The following SLC39A11 variants were observed in gnomAD, a reference collection of about 807,000 sequenced individuals.
SLC39A11 encodes solute carrier family 39 member 11.
Under a neutral mutation model 36.1 loss-of-function variants are expected in SLC39A11, and 33 were observed. The observed-to-expected ratio is 0.91, with a 90% CI of 0.69 to 1.22. The LOEUF is 1.22. SLC39A11 is among the 50% of genes most tolerant of loss of function. The pLI is 0.00. For synonymous variants in SLC39A11, 166 were observed against 170.3 expected (o/e 0.97, Z 0.20); for missense variants, 432 against 430.3 (o/e 1.00, Z -0.03).
rs768074343 is a variant in SLC39A11, at chr17:73,031,421, C to A, written c.306+135G>T. On this transcript the variant is annotated intron_variant, in intron 4 of 9. Transcript: ENST00000255559. ...AAATCACCGATCAGTTCCTCTAATG[C>A]CTTGTTCTCTGTTTAAATACCACTG... The A allele has an allele frequency of 9.7e-6, 9 of 923,494 alleles. No individual in the cohort carries two copies. The Admixed American group carries it at 2.2e-4, about 23-fold the overall frequency. The allele number at this position is 923,494 out of a possible 1,614,324, so 57.2% of individuals were successfully genotyped here.
intron 7 of SLC39A11, among the ~76,000 whole-genome samples, chr17:72,729,451 A>ATTTT (rs2074119588): frequency 1.6e-4 from 1 of 6,450 alleles, no homozygotes; most frequent in Non-Finnish European, 3.0e-4. Context: ...ATATATATAT[A>ATTTT]TATATATTTT....
intron 7 of SLC39A11, among the ~76,000 whole-genome samples, chr17:72,672,269 T>G (rs1388128808): frequency 6.6e-6 from 1 of 152,124 alleles, no homozygotes; most frequent in Non-Finnish European, 1.5e-5. Flanking sequence ...GCCAACACAG[T>G]GAAACCTTGA....
intron 4 of SLC39A11, among the ~76,000 whole-genome samples, chr17:72,971,612 G>A (rs1318455891): frequency 2.0e-5 from 3 of 152,150 alleles, no homozygotes; most frequent in Admixed American, 6.5e-5. Flanking sequence ...TTGACTCCCC[G>A]TGAGCAGAGC....
intron 8 of SLC39A11, 22 bp downstream of exon 8, chr17:72,649,148 C>T (rs763313084): frequency 6.2e-7 from 1 of 1,606,346 alleles, no homozygotes; most frequent in South Asian, 1.1e-5. Flanking sequence ...GTGACATGGC[C>T]TTGCCCTTGG....
chr17:72,718,430 C>T (rs1012215388), intron 7 of SLC39A11, among the ~76,000 whole-genome samples: 12 of 152,140 alleles, frequency 7.9e-5, no homozygotes, highest in Non-Finnish European at 1.3e-4. Flanking sequence ...CAGAGCAAGA[C>T]TCCATCTCAG....
chr17:73,067,431 T>C (rs1369618844), intron 3 of SLC39A11, among the ~76,000 whole-genome samples: 1 of 152,202 alleles, frequency 6.6e-6, no homozygotes, highest in Non-Finnish European at 1.5e-5. Flanking sequence ...GGCAAAGCAG[T>C]GAGCCAAAAA....
Position 73,077,702 on chromosome 17 carries a change from T to C in SLC39A11, c.147+7106A>G, listed in dbSNP as rs980919572. Among the ~76,000 whole-genome samples, 5 of 152,214 alleles carry C rather than the reference T, an allele frequency of 3.3e-5. 1 individual carries two copies. The highest frequency in any genetic ancestry group is 2.0e-4 in the Admixed American group (3 of 15,274). On this transcript the variant is annotated intron_variant, in intron 3 of 9. Coordinates refer to ENST00000255559, the MANE Select transcript of SLC39A11 (RefSeq NM_139177.4). Reference sequence around the variant, plus strand: ...ACATAATCTTTAGAGTCTCTTTCTTTCTACCGACTACTTTAAAAGTCAGAA... The same window carrying C: ...ACATAATCTTTAGAGTCTCTTTCTTCCTACCGACTACTTTAAAAGTCAGAA...
chr17:72,801,088 G>A (rs1036342481), intron 6 of SLC39A11, among the ~76,000 whole-genome samples: 8 of 152,186 alleles, frequency 5.3e-5, no homozygotes, highest in Non-Finnish European at 7.3e-5. Context: ...TTATTTATAC[G>A]AAATGTCCAG....
chr17:72,962,613 T>C (rs1283847577), intron 4 of SLC39A11, among the ~76,000 whole-genome samples: 2 of 152,138 alleles, frequency 1.3e-5, no homozygotes, highest in Admixed American at 6.5e-5. Context: ...CTTGGCTCAC[T>C]GTAACCTCTG....
chr17:73,064,557 T>A (rs1325122498), intron 3 of SLC39A11, among the ~76,000 whole-genome samples: 1 of 152,106 alleles, frequency 6.6e-6, no homozygotes, highest in Admixed American at 6.5e-5. Context: ...AGACTCCCCA[T>A]CTGTGCTGAA....
chr17:72,772,104 C>T (rs1298672512), intron 6 of SLC39A11, among the ~76,000 whole-genome samples: 1 of 152,318 alleles, frequency 6.6e-6, no homozygotes, highest in Admixed American at 6.5e-5. Context: ...TTCCCAGAGT[C>T]CTTTCCAGGC....
intron 5 of SLC39A11, among the ~76,000 whole-genome samples, chr17:72,921,942 CTAG>C (rs1477400285): frequency 6.6e-6 from 1 of 152,188 alleles, no homozygotes. Flanking sequence ...AGCTCTGTTG[CTAG>C]TCCCTTTACA....
intron 1 of SLC39A11, chr17:73,091,795 A>G (rs2060932908): frequency 6.6e-6 from 1 of 152,254 alleles, no homozygotes; most frequent in Admixed American, 6.5e-5. Flanking sequence ...AACTTTTAAC[A>G]TGCCAACAGC....
chr17:72,669,001 G>C (rs1476871134), intron 7 of SLC39A11, among the ~76,000 whole-genome samples: 1 of 152,114 alleles, frequency 6.6e-6, no homozygotes, highest in African/African-American at 2.4e-5. Flanking sequence ...TAAAACAATA[G>C]CAACAACTAA....
intron 3 of SLC39A11, among the ~76,000 whole-genome samples, chr17:73,047,966 C>CAAAAAAAAAAAAAAA (rs1165334910): frequency 4.9e-5 from 1 of 20,492 alleles, no homozygotes; most frequent in Non-Finnish European, 8.6e-5. Context: ...GACTCCATCT[C>CAAAAAAAAAAAAAAA]AAAAAAAAAA....
At chr17:72,691,323 T>TTA (rs2072017044) in intron 7 of SLC39A11, among the ~76,000 whole-genome samples, 3 of 152,174 alleles carry the variant, frequency 2.0e-5, no homozygotes, top group Non-Finnish European at 2.9e-5. Context: ...TCTGCACCTG[T>TTA]TTCTTTCCGT....
chr17:72,748,627 C>A (rs939415692), intron 6 of SLC39A11, among the ~76,000 whole-genome samples: 3 of 152,218 alleles, frequency 2.0e-5, no homozygotes, highest in Non-Finnish European at 4.4e-5. Flanking sequence ...CATCTTCAAA[C>A]AACAGGTGAA....
chr17:72,839,129 T>C (rs1334334908), intron 6 of SLC39A11: 2 of 152,180 alleles, frequency 1.3e-5, no homozygotes, highest in African/African-American at 4.8e-5. Flanking sequence ...TGATAGCCCA[T>C]GGGAGTCCCA....
intron 5 of SLC39A11, among the ~76,000 whole-genome samples, chr17:72,927,725 G>A (rs1291670105): frequency 6.6e-6 from 1 of 152,052 alleles, no homozygotes; most frequent in African/African-American, 2.4e-5. Flanking sequence ...AAAGAGCACA[G>A]GGCTCAGATG....
Sources: allele counts gnomAD v4.1 joint callset (sites outside exome capture counted in the v4.1 genomes callset), GRCh38; gene constraint gnomAD v4.1.1; transcripts MANE v1.5; gene names NCBI Gene and HGNC (gene_info 2026-07-23, HGNC 2026-07-21).